ROBO2: variants seen among roughly 807,000 people sequenced by gnomAD.
The protein encoded by ROBO2 is roundabout homolog 2.
Under a neutral mutation model 160.8 loss-of-function variants are expected in ROBO2, and 53 were observed. The observed-to-expected ratio is 0.33, with a 90% confidence interval of 0.26 to 0.41. The LOEUF (loss-of-function observed/expected upper bound fraction) is 0.41. Ranked by LOEUF, ROBO2 falls within the 10% of genes least tolerant of loss-of-function variation. The probability of loss-of-function intolerance (pLI) is 1.00; values close to 1 mark genes in which losing one functional copy is unlikely to be tolerated. For synonymous variants in ROBO2, 664 were observed against 611.7 expected (o/e 1.09, Z -1.26); for missense variants, 1,577 against 1,722.4 (o/e 0.92, Z 1.49).
At chr3:77,542,228 G>T (rs1455033460) in intron 6 of ROBO2, among the ~76,000 whole-genome samples, 1 of 152,166 alleles carries the variant, frequency 6.6e-6, no homozygotes, top group Non-Finnish European at 1.5e-5. Flanking sequence ...TTGCAATATA[G>T]ATCTAGGGCA....
intron 2 of ROBO2, among the ~76,000 whole-genome samples, chr3:76,995,663 T>A (rs2060956527): frequency 6.6e-6 from 1 of 152,230 alleles, no homozygotes; most frequent in Non-Finnish European, 1.5e-5. Flanking sequence ...TGAGATGGTA[T>A]CTCATTGTGG....
chr3:76,427,696 A>G (rs1450711982), intron 2 of ROBO2, among the ~76,000 whole-genome samples: 3 of 152,196 alleles, frequency 2.0e-5, no homozygotes, highest in African/African-American at 7.2e-5. Flanking sequence ...CTTACTATGA[A>G]TTAGGATAAA....
intron 19 of ROBO2, among the ~76,000 whole-genome samples, chr3:77,599,784 C>T (rs1341393665): frequency 6.6e-6 from 1 of 151,708 alleles, no homozygotes; most frequent in African/African-American, 2.4e-5. Context: ...TCAAAGGAAA[C>T]CATAAAAAAA....
At chr3:77,504,550 TGA>T (rs1561019645) in intron 5 of ROBO2, among the ~76,000 whole-genome samples, 1 of 152,168 alleles carries the variant, frequency 6.6e-6, no homozygotes, top group Non-Finnish European at 1.5e-5. Context: ...TATCTTTATT[TGA>T]GAGAGTATTT....
chr3:77,404,827 G>C (rs568943564), intron 2 of ROBO2, among the ~76,000 whole-genome samples: 40 of 152,210 alleles, frequency 2.6e-4, no homozygotes, highest in African/African-American at 9.1e-4. Flanking sequence ...AATTAATTGT[G>C]TTCAAATAAT....
chr3:76,400,161 A>T (rs2077730183), intron 2 of ROBO2, among the ~76,000 whole-genome samples: 1 of 151,684 alleles, frequency 6.6e-6, no homozygotes, highest in African/African-American at 2.4e-5. Context: ...TTGCACTTGG[A>T]AAACATTCTG....
intron 2 of ROBO2, among the ~76,000 whole-genome samples, chr3:77,108,135 CAT>C (rs1186212793): frequency 1.3e-5 from 2 of 150,694 alleles, no homozygotes; most frequent in African/African-American, 4.9e-5. Context: ...GTATATTATA[CAT>C]ATATGTGTGT....
chr3:77,438,955 G>T (rs1466181915), intron 2 of ROBO2, among the ~76,000 whole-genome samples: 1 of 152,010 alleles, frequency 6.6e-6, no homozygotes, highest in East Asian at 1.9e-4. Flanking sequence ...AATCTGTAGT[G>T]TTCTATGTGG....
At chr3:76,491,948 C>T (rs2079847630) in intron 2 of ROBO2, among the ~76,000 whole-genome samples, 4 of 151,898 alleles carry the variant, frequency 2.6e-5, no homozygotes. Context: ...TACAAACAAA[C>T]AAACAAAAAA....
At chr3:76,167,467 T>G (rs2072878387) in intron 2 of ROBO2, among the ~76,000 whole-genome samples, 1 of 152,206 alleles carries the variant, frequency 6.6e-6, no homozygotes, top group Non-Finnish European at 1.5e-5. Context: ...TAAATTTATC[T>G]TCTTCGGTGT....
rs973425834 is a variant in ROBO2, at chr3:76,758,141, T to A, written c.110-339873T>A. Among the ~76,000 whole-genome samples the A allele has an allele frequency of 2.0e-4, 31 of 151,948 alleles. No homozygotes were observed. The South Asian group carries it at 2.3e-3, about 11-fold the overall frequency. On this transcript the variant is annotated intron_variant, in intron 2 of 26. Transcript: ENST00000487694. ...TACAAAAGCAAAAAATAGCTTAAAT[T>A]ATCTGTTGTGAAAGCATCTAAAACA...
intron 4 of ROBO2, 127 bp from the exon 5 acceptor site, chr3:77,493,117 C>T (rs1203812060): frequency 2.3e-6 from 2 of 884,012 alleles, no homozygotes; most frequent in Non-Finnish European, 1.8e-6. Context: ...TAAAACACAG[C>T]TGAGGTACAG....
intron 2 of ROBO2, among the ~76,000 whole-genome samples, chr3:77,352,955 A>G (rs1175838269): frequency 1.3e-5 from 2 of 152,178 alleles, no homozygotes; most frequent in Non-Finnish European, 2.9e-5. Context: ...TTGTCTCAAT[A>G]GACTTATTAA....
rs398071870 is a variant in ROBO2 at position 77,621,460 on chromosome 3, T to TAAAC, written c.3555-767_3555-766insAAAC. Among the ~76,000 whole-genome samples, 6 of 151,606 alleles carry TAAAC rather than the reference T, an allele frequency of 4.0e-5. No homozygotes were observed. The East Asian group carries it at 7.8e-4, about 20-fold the overall frequency. On this transcript the variant is annotated intron_variant, in intron 22 of 25. Transcript: ENST00000461745. ...TTAAATAAATAAATAAATAAATAAA[T>TAAAC]GAGGGTTGATAATGCATGATCTATT...
At chr3:76,281,470 G>A (rs1708229027) in intron 2 of ROBO2, among the ~76,000 whole-genome samples, 1 of 151,654 alleles carries the variant, frequency 6.6e-6, no homozygotes, top group Non-Finnish European at 1.5e-5. Flanking sequence ...ATCAATATTC[G>A]GTTTTTAAAA....
At chr3:77,560,249 A>G (rs1008690981) in intron 9 of ROBO2, among the ~76,000 whole-genome samples, 1 of 152,108 alleles carries the variant, frequency 6.6e-6, no homozygotes, top group Admixed American at 6.6e-5. Flanking sequence ...ACAAGGAGAA[A>G]AGTAGATGAT....
At chr3:76,221,919 A>G (rs1309244531) in intron 2 of ROBO2, among the ~76,000 whole-genome samples, 1 of 152,184 alleles carries the variant, frequency 6.6e-6, no homozygotes, top group Non-Finnish European at 1.5e-5. Flanking sequence ...TCCAATAAGC[A>G]CAAAATGCTG....
intron 2 of ROBO2, among the ~76,000 whole-genome samples, chr3:76,567,630 T>TAC (rs1553805594): frequency 1.3e-5 from 1 of 75,150 alleles, no homozygotes; most frequent in African/African-American, 4.8e-5. Flanking sequence ...GATATATATA[T>TAC]ATATATATAT....
intron 2 of ROBO2, among the ~76,000 whole-genome samples, chr3:76,772,709 A>G (rs1302996868): frequency 6.6e-6 from 1 of 151,090 alleles, no homozygotes; most frequent in African/African-American, 2.4e-5. Flanking sequence ...TGTAATCATC[A>G]TGGCATGGTC....
Sources: gnomAD v4.1 joint callset for allele counts (sites outside exome capture counted in the v4.1 genomes callset) on GRCh38, gnomAD v4.1.1 for gene constraint, MANE v1.5 for transcripts, NCBI Gene and HGNC (gene_info 2026-07-23, HGNC 2026-07-21) for gene names.